Variants in NT5C1A observed in about 807,000 individuals in gnomAD.
NT5C1A encodes 5'-nucleotidase, cytosolic IA.
NT5C1A carries 18 observed loss-of-function variants against 31.0 expected under a neutral mutation model. The observed-to-expected ratio is 0.58, with a 90% CI of 0.40 to 0.86. NT5C1A has a LOEUF of 0.86. Ranked by LOEUF, NT5C1A falls within the 40% of genes least tolerant of loss-of-function variation. The pLI is 0.00. For synonymous variants in NT5C1A, 185 were observed against 203.6 expected (o/e 0.91, Z 0.78); for missense variants, 470 against 505.4 (o/e 0.93, Z 0.67).
intron 3 of NT5C1A, among the ~76,000 whole-genome samples, chr1:39,664,221 T>C (rs1180270): frequency 0.11 from 16,146 of 151,156 alleles, 924 homozygotes; most frequent in Middle Eastern, 0.19. Context: ...TGGCGTGATC[T>C]CGGCTCACTG....
chr1:39,663,393 G>A lies in NT5C1A; in HGVS notation c.475C>T (p.Pro159Ser). The A allele has an allele frequency of 6.2e-7, 1 of 1,614,080 alleles. No individual in the cohort carries two copies. The highest frequency in any genetic ancestry group is 1.1e-5 in the South Asian group (1 of 91,084). The change falls in exon 4 of 6, where the codon CCG becomes TCG. Residue 159 changes from proline (P) to serine (S), a missense_variant. By Grantham distance (74) the Pro-to-Ser change is moderately conservative. Transcript: ENST00000235628. Reference protein sequence around the residue: ...ERFCMTGGNSPICYLKAYHTN... With the variant: ...ERFCMTGGNSSICYLKAYHTN... Reference sequence around the variant, plus strand: ...TGATAGGCCTTGAGGTAGCAGATCGGGCTGTTCCCACCTGTCATGCAGAAC... The same window carrying A: ...TGATAGGCCTTGAGGTAGCAGATCGAGCTGTTCCCACCTGTCATGCAGAAC...
At position 39,659,192 on chromosome 1, in the gene NT5C1A, G is replaced by A. The variant is rs770410847; in HGVS notation, c.1036C>T (p.His346Tyr). 1 of 1,614,058 alleles carries A rather than the reference G, an allele frequency of 6.2e-7. No individual in the cohort carries two copies. The highest frequency in any genetic ancestry group is 1.7e-4 in the Middle Eastern group (1 of 6,042). ...GTCTGTGCCACACCATAAGGCACAT[G>A]GGCGGCCACAGTGCCCATCTCCTGA... ...GAQEMGTVAA[H>Y]VPYGVAQTPR... The change falls in exon 6 of 6, where the codon CAT (histidine) becomes TAT (tyrosine). Residue 346 changes from histidine (H) to tyrosine (Y), a missense_variant. His to Tyr is a moderately conservative substitution (Grantham distance 83, BLOSUM62 2). Transcript: ENST00000235628.
chr1:39,664,492 T>C (rs1299532621), intron 3 of NT5C1A, among the ~76,000 whole-genome samples: 1 of 602 alleles, frequency 1.7e-3, no homozygotes, highest in Non-Finnish European at 3.3e-3. Flanking sequence ...GGATTTCTCC[T>C]CCTCTCCTCT....
chr1:39,664,492 T>TCTCCTCCCCTCC (rs1553485422), intron 3 of NT5C1A, among the ~76,000 whole-genome samples: 25 of 606 alleles, frequency 0.041, 2 homozygotes, highest in African/African-American at 0.056. Context: ...GGATTTCTCC[T>TCTCCTCCCCTCC]CCTCTCCTCT....
chr1:39,663,023 G>A (rs543695681), intron 4 of NT5C1A, among the ~76,000 whole-genome samples: 1 of 152,304 alleles, frequency 6.6e-6, no homozygotes, highest in East Asian at 1.9e-4. Flanking sequence ...GAAGAAAGTA[G>A]CTTTCTGGGC....
intron 5 of NT5C1A, among the ~76,000 whole-genome samples, chr1:39,660,522 G>A (rs1438909259): frequency 6.6e-6 from 1 of 152,130 alleles, no homozygotes; most frequent in Non-Finnish European, 1.5e-5. Flanking sequence ...GTCTGCCCCA[G>A]ATGTCACACC....
At chr1:39,671,795 C>A in intron 1 of NT5C1A, 109 bp downstream of exon 1, 3 of 1,321,134 alleles carry the variant, frequency 2.3e-6, no homozygotes, top group Admixed American at 1.9e-5. Context: ...GGCTGAGGAG[C>A]TGCGTCCCCT....
rs962127116 is a variant in NT5C1A at position 39,654,585 on chromosome 1, C to A, written c.*4536G>T. Among the ~76,000 whole-genome samples, 6 of 152,352 alleles carry A rather than the reference C, an allele frequency of 3.9e-5. No individual in the cohort carries two copies. Among genetic ancestry groups the A allele is most frequent in the African/African-American group, 1.4e-4 (6 of 41,592 alleles). ...TCAGCTTGGGAGAGCACATTCAAGT[C>A]AAATCAGTGCATCAACAAAACTGCA... On this transcript the variant is annotated 3_prime_UTR_variant, in exon 6 of 6. Coordinates refer to ENST00000235628, the MANE Select transcript of NT5C1A (RefSeq NM_032526.3).
rs369875452 is a variant in NT5C1A, at chr1:39,654,115, A to G, written c.*5006T>C. 6.6e-6 allele frequency among the ~76,000 whole-genome samples: 1 copy of G among 152,174 alleles called. No individual in the cohort carries two copies. The highest frequency in any genetic ancestry group is 2.4e-5 in the African/African-American group (1 of 41,446). On this transcript the variant is annotated 3_prime_UTR_variant, in exon 6 of 6. Transcript: ENST00000235628. Reference sequence around the variant, plus strand: ...TCCATACTGTCTGTTCTTGCAGTGGATCCTGGAAGCCTGGTAAATCTCTAA... The same window carrying G: ...TCCATACTGTCTGTTCTTGCAGTGGGTCCTGGAAGCCTGGTAAATCTCTAA...
intron 1 of NT5C1A, among the ~76,000 whole-genome samples, chr1:39,671,260 G>A (rs757791598): frequency 5.9e-5 from 9 of 152,344 alleles, no homozygotes; most frequent in Non-Finnish European, 1.2e-4. Flanking sequence ...CAGGGTCGTG[G>A]GGATGTTAAT....
At position 39,653,423 on chromosome 1, in the gene NT5C1A, C is replaced by T. The variant is rs1192432359; in HGVS notation, c.*5698G>A. ...ATTGGCTGAGATATCTGGCCCATTACACACACCCACATAAATACACGTACG... is the reference window on the plus strand; with the variant it reads ...ATTGGCTGAGATATCTGGCCCATTATACACACCCACATAAATACACGTACG... On this transcript the variant is annotated 3_prime_UTR_variant, in exon 6 of 6. Coordinates refer to ENST00000235628, the MANE Select transcript of NT5C1A (RefSeq NM_032526.3). 6.6e-6 allele frequency among the ~76,000 whole-genome samples: 1 copy of T among 152,142 alleles called. No individual in the cohort carries two copies. Among genetic ancestry groups the T allele is most frequent in the Non-Finnish European group, 1.5e-5 (1 of 68,026 alleles).
rs1411887962 is a variant in NT5C1A at position 39,658,142 on chromosome 1, G to A, written c.*979C>T. 2.6e-5 allele frequency among the ~76,000 whole-genome samples: 4 copies of A among 152,180 alleles called. No individual in the cohort carries two copies. The highest frequency in any genetic ancestry group is 6.5e-5 in the Admixed American group (1 of 15,286). ...TGGCAGGCAAGAGCAACTGAACTTCGGCTCAAAGCAAGAGCAAAGGAAACA... is the reference window on the plus strand; with the variant it reads ...TGGCAGGCAAGAGCAACTGAACTTCAGCTCAAAGCAAGAGCAAAGGAAACA... On this transcript the variant is annotated 3_prime_UTR_variant, in exon 6 of 6. Coordinates refer to ENST00000235628, the MANE Select transcript of NT5C1A (RefSeq NM_032526.3).
At chr1:39,666,350 T>C (rs1646522407) in intron 1 of NT5C1A, 114 bp from the exon 2 acceptor site, 2 of 1,025,182 alleles carry the variant, frequency 2.0e-6, no homozygotes, top group East Asian at 5.1e-5. Flanking sequence ...ACCCAGTCTC[T>C]ACCTAAAGAG....
Position 39,659,381 on chromosome 1 carries a change from G to A in NT5C1A, c.847C>T (p.Arg283Cys), listed in dbSNP as rs41264507. ...CGGGCCCCGGAACTGGCTGCACTGCGTGCTGTCACCAAGTAGGTACGAATT... is the reference window on the plus strand; with the variant it reads ...CGGGCCCCGGAACTGGCTGCACTGCATGCTGTCACCAAGTAGGTACGAATT... ...CPIRTYLVTA[R>C]SAASSGARAL... The change falls in exon 6 of 6, where the codon CGC (arginine) becomes TGC (cysteine). Residue 283 changes from arginine to cysteine, a missense_variant. Physicochemically the swap from Arg to Cys is radical, Grantham distance 180. Coordinates refer to ENST00000235628, the MANE Select transcript of NT5C1A (RefSeq NM_032526.3). The A allele has an allele frequency of 5.6e-5, 90 of 1,613,728 alleles. No individual in the cohort carries two copies. Among genetic ancestry groups the A allele is most frequent in the Non-Finnish European group, 6.7e-5 (79 of 1,180,004 alleles).
At chr1:39,668,806 A>G (rs1050909151) in intron 1 of NT5C1A, among the ~76,000 whole-genome samples, 3 of 152,208 alleles carry the variant, frequency 2.0e-5, no homozygotes, top group African/African-American at 7.2e-5. Flanking sequence ...GGGGGTCCCA[A>G]GGGCAGGACT....
intron 5 of NT5C1A, among the ~76,000 whole-genome samples, 174 bp downstream of exon 5, chr1:39,660,905 C>A (rs1646489734): frequency 6.6e-6 from 1 of 151,924 alleles, no homozygotes; most frequent in South Asian, 2.1e-4. Context: ...CTCAACAAAG[C>A]AGGTGGAAGC....
rs1166153367 is a variant in NT5C1A at position 39,657,333 on chromosome 1, T to C, written c.*1788A>G. ...CTGCATCTCTTACCCTGCCCCACAC[T>C]GCACAGAACCTGTGCCCTTTCAGAC... On this transcript the variant is annotated 3_prime_UTR_variant, in exon 6 of 6. Transcript: ENST00000235628. Among the ~76,000 whole-genome samples the C allele has an allele frequency of 6.6e-6, 1 of 152,226 alleles. No individual in the cohort carries two copies. The highest frequency in any genetic ancestry group is 2.4e-5 in the African/African-American group (1 of 41,452).
At position 39,652,070 on chromosome 1, in the gene NT5C1A, A is replaced by AAAAG. The variant is rs1646435450; in HGVS notation, c.*7050_*7051insCTTT. Among the ~76,000 whole-genome samples, 1 of 124,992 alleles carries AAAAG rather than the reference A, an allele frequency of 8.0e-6. No individual in the cohort carries two copies. The highest frequency in any genetic ancestry group is 1.7e-5 in the Non-Finnish European group (1 of 60,080). The allele number at this position is 124,992 out of a possible 152,430, so 82.0% of individuals were successfully genotyped here. A position where few individuals can be genotyped will look rare whatever the true frequency, so the allele number is the denominator to read the frequency against. On this transcript the variant is annotated 3_prime_UTR_variant, in exon 6 of 6. Transcript: ENST00000235628. ...AAAAAAAAAAAAAAAAAAAAAAAGA[A>AAAAG]GTTTGTACATACGCAGTTTTGAACA...
rs1646472554 is a variant in NT5C1A at position 39,658,138 on chromosome 1, C to G, written c.*983G>C. On this transcript the variant is annotated 3_prime_UTR_variant, in exon 6 of 6. Transcript: ENST00000235628. ...GTCTTGGCAGGCAAGAGCAACTGAA[C>G]TTCGGCTCAAAGCAAGAGCAAAGGA... Among the ~76,000 whole-genome samples the G allele has an allele frequency of 6.6e-6, 1 of 152,212 alleles. No homozygotes were observed. Among genetic ancestry groups the G allele is most frequent in the Non-Finnish European group, 1.5e-5 (1 of 68,032 alleles).
Sources: gnomAD v4.1 joint callset for allele counts (sites outside exome capture counted in the v4.1 genomes callset) on GRCh38, gnomAD v4.1.1 for gene constraint, MANE v1.5 for transcripts, NCBI Gene and HGNC (gene_info 2026-07-23, HGNC 2026-07-21) for gene names.